The following ALDH6A1 variants were observed in gnomAD, a reference collection of about 807,000 sequenced individuals.
The protein encoded by ALDH6A1 is methylmalonate-semialdehyde/malonate-semialdehyde dehydrogenase [acylating], mitochondrial.
Under a neutral mutation model 62.6 loss-of-function variants are expected in ALDH6A1, and 43 were observed. The ratio of observed to expected loss-of-function variants is 0.69; its 90% CI spans 0.54 to 0.89. The LOEUF is 0.89. ALDH6A1 is among the 40% of genes least tolerant of loss of function. The probability of loss-of-function intolerance (pLI) is 0.00; values close to 1 mark genes in which losing one functional copy is unlikely to be tolerated. For missense variants in ALDH6A1, 551 were observed against 661.3 expected (o/e 0.83, Z 1.83); for synonymous variants, 194 against 234.2 (o/e 0.83, Z 1.57).
intron 11 of ALDH6A1, among the ~76,000 whole-genome samples, chr14:74,062,947 C>T (rs577788059): frequency 9.2e-5 from 14 of 152,276 alleles, no homozygotes; most frequent in African/African-American, 3.4e-4. Flanking sequence ...GTTTGGGCAG[C>T]CTGCTCTGTT....
chr14:74,079,723 C>T (rs575066333), intron 1 of ALDH6A1, among the ~76,000 whole-genome samples: 137 of 152,276 alleles, frequency 9.0e-4, no homozygotes, highest in Non-Finnish European at 1.3e-3. Flanking sequence ...TGAGCCACTG[C>T]GCCTGGCCTA....
chr14:74,063,333 C>T (rs537183696), intron 11 of ALDH6A1, among the ~76,000 whole-genome samples: 1 of 151,568 alleles, frequency 6.6e-6, no homozygotes, highest in East Asian at 2.0e-4. Flanking sequence ...ATTATAGGCA[C>T]CTGCCACCAC....
intron 6 of ALDH6A1, 89 bp downstream of exon 6, chr14:74,071,106 G>C: frequency 8.1e-7 from 1 of 1,233,308 alleles, no homozygotes; most frequent in South Asian, 1.2e-5. Context: ...CTTACAAGTA[G>C]GTTCCTTATC....
At position 74,060,078 on chromosome 14, in the gene ALDH6A1, G is replaced by T. The variant is rs1308842842; in HGVS notation, c.*564C>A. The T allele has an allele frequency of 6.3e-6, 1 of 157,676 alleles. No homozygotes were observed. Among genetic ancestry groups the T allele is most frequent in the Non-Finnish European group, 1.4e-5 (1 of 71,172 alleles). The allele number at this position is 157,676 out of a possible 1,614,324, so 9.8% of individuals were successfully genotyped here. ...TGTTTGAGGATCAACCAAAAGCGGT[G>T]AGTTATTTCTGTCCTGTTTCCCCAT... On this transcript the variant is annotated 3_prime_UTR_variant, in exon 12 of 12. Coordinates refer to ENST00000553458, the MANE Select transcript of ALDH6A1 (RefSeq NM_005589.4).
chr14:74,074,216 A>G (rs946982824), intron 2 of ALDH6A1, among the ~76,000 whole-genome samples: 3 of 151,690 alleles, frequency 2.0e-5, no homozygotes, highest in South Asian at 2.1e-4. Flanking sequence ...AACTCTGACA[A>G]TCCACCTGCC....
At chr14:74,081,323 G>T in intron 1 of ALDH6A1, 1 of 152,226 alleles carries the variant, frequency 6.6e-6, no homozygotes, top group Non-Finnish European at 1.5e-5. Flanking sequence ...ATGAGTACTC[G>T]CCAAGCAATC....
At chr14:74,072,442 A>G in intron 3 of ALDH6A1, 78 bp from the exon 4 acceptor site, 1 of 1,613,174 alleles carries the variant, frequency 6.2e-7, no homozygotes. Flanking sequence ...AAGTGGCACT[A>G]TGTGCTTTAC....
chr14:74,065,437 C>T, intron 9 of ALDH6A1, 77 bp from the exon 10 acceptor site: 3 of 1,278,284 alleles, frequency 2.3e-6, no homozygotes, highest in Middle Eastern at 2.5e-4. Context: ...GGTACTTTCA[C>T]TTACTACACA....
chr14:74,068,001 A>AAC (rs1226157291), intron 7 of ALDH6A1, among the ~76,000 whole-genome samples: 1 of 151,348 alleles, frequency 6.6e-6, no homozygotes, highest in Non-Finnish European at 1.5e-5. Flanking sequence ...CAATGTTAAA[A>AAC]AAAAAAAAAA....
At chr14:74,073,874 C>T (rs2060580916) in intron 2 of ALDH6A1, among the ~76,000 whole-genome samples, 3 of 147,014 alleles carry the variant, frequency 2.0e-5, no homozygotes, top group South Asian at 2.1e-4. Flanking sequence ...GCTGAGATCA[C>T]GCCACTGCAT....
chr14:74,071,370 G>A lies in ALDH6A1; in HGVS notation c.555C>T (p.Phe185=), dbSNP rs748815029. 5 of 1,614,138 alleles carry A rather than the reference G, an allele frequency of 3.1e-6. No individual in the cohort carries two copies. The highest frequency in any genetic ancestry group is 4.2e-6 in the Non-Finnish European group (5 of 1,180,018). The part of the protein sequence containing the change: ...PLGVCAGIAP[F]NFPAMIPLWM... The stretch of plus-strand genomic sequence containing the variant: ...AAAGGGGGATCATGGCAGGAAAATT[G>A]AATGGAGCAATGCCTGCACACACTC... The change falls in exon 6 of 12, where the codon TTC becomes TTT. Residue 185 remains phenylalanine (F), a synonymous_variant. Coordinates refer to ENST00000553458, the MANE Select transcript of ALDH6A1 (RefSeq NM_005589.4).
chr14:74,065,441 C>T, intron 9 of ALDH6A1, 81 bp from the exon 10 acceptor site: 1 of 1,258,236 alleles, frequency 7.9e-7, no homozygotes. Flanking sequence ...CTTTCACTTA[C>T]TACACATCAT....
chr14:74,065,032 C>T, intron 10 of ALDH6A1, 112 bp from the exon 11 acceptor site: 1 of 1,370,050 alleles, frequency 7.3e-7, no homozygotes, highest in South Asian at 1.2e-5. Flanking sequence ...CTATCCTCTA[C>T]CCCATGAACT....
intron 6 of ALDH6A1, 196 bp downstream of exon 6, chr14:74,070,999 C>T: frequency 4.8e-6 from 3 of 631,446 alleles, no homozygotes; most frequent in Non-Finnish European, 5.6e-6. Flanking sequence ...TACTGTAGGG[C>T]AACAAGCACT....
rs2139710868 is a variant in ALDH6A1, at chr14:74,059,022, T to C, written c.*1620A>G. 1 of 148,178 alleles carries C rather than the reference T, an allele frequency of 6.7e-6. No homozygotes were observed. The highest frequency in any genetic ancestry group is 7.5e-5 in the Admixed American group (1 of 13,254). The allele number at this position is 148,178 out of a possible 1,614,324, so 9.2% of individuals were successfully genotyped here. On this transcript the variant is annotated 3_prime_UTR_variant, in exon 12 of 12. Coordinates refer to ENST00000553458, the MANE Select transcript of ALDH6A1 (RefSeq NM_005589.4). ...TTGCTTGAACCCGGGAGGCAGAGGT[T>C]GCAGTGAGCCAAGATCACGCCATTG...
At position 74,075,027 on chromosome 14, in the gene ALDH6A1, A is replaced by T. The variant is rs780320675; in HGVS notation, c.49-10T>A. ...TCACCTTGGAAGAAACCTGTGAGGC[A>T]AAAGAACGATTATTTTGATAAATGA... On this transcript the variant is annotated splice_polypyrimidine_tract_variant and intron_variant, in intron 1 of 11. Transcript: ENST00000553458. The T allele has an allele frequency of 1.2e-6, 2 of 1,613,468 alleles. No individual in the cohort carries two copies.
rs2060508754 is a variant in ALDH6A1, at chr14:74,068,849, T to G, written c.852+11A>C. 6.2e-7 allele frequency: 1 copy of G among 1,613,758 alleles called. No individual in the cohort carries two copies. Among genetic ancestry groups the G allele is most frequent in the East Asian group, 2.2e-5 (1 of 44,864 alleles). On this transcript the variant is annotated intron_variant, in intron 7 of 11. Transcript: ENST00000553458. ...GAACAAAGATTGGAGAAAAAAGGAA[T>G]AAGAAGTCACCATATTGGCTTGAAC...
In ALDH6A1 at chr14:74,084,331, C is replaced by T. The variant is rs2060701244; in HGVS notation, c.48+16G>A. The T allele has an allele frequency of 6.2e-7, 1 of 1,613,632 alleles. No homozygotes were observed. The highest frequency in any genetic ancestry group is 8.5e-7 in the Non-Finnish European group (1 of 1,179,932). The stretch of plus-strand genomic sequence containing the variant: ...AATTCCTAGCTTCATGGTGCCTTGG[C>T]ACCACCCTCACTCGCCTGCAGGATC... On this transcript the variant is annotated intron_variant, in intron 1 of 11. Transcript: ENST00000553458.
At chr14:74,084,171 C>G (rs1415934017) in intron 1 of ALDH6A1, among the ~76,000 whole-genome samples, 176 bp downstream of exon 1, 1 of 152,046 alleles carries the variant, frequency 6.6e-6, no homozygotes, top group East Asian at 1.9e-4. Flanking sequence ...GGATCCGGGA[C>G]CAGGGAGGTT....
Sources: allele counts gnomAD v4.1 joint callset (sites outside exome capture counted in the v4.1 genomes callset), GRCh38; gene constraint gnomAD v4.1.1; transcripts MANE v1.5; gene names NCBI Gene and HGNC (gene_info 2026-07-23, HGNC 2026-07-21).